CRAMP1: variants seen among roughly 807,000 people sequenced by gnomAD.
The protein encoded by CRAMP1 is protein cramped-like.
Under a neutral mutation model 115.4 loss-of-function variants are expected in CRAMP1, and 50 were observed. That is an observed-to-expected ratio of 0.43 (90% CI 0.35 to 0.55). The LOEUF is 0.55. Ranked by LOEUF, CRAMP1 falls within the 20% of genes least tolerant of loss-of-function variation. The probability of loss-of-function intolerance (pLI) is 0.01; values close to 1 mark genes in which losing one functional copy is unlikely to be tolerated. For synonymous variants in CRAMP1, 866 were observed against 745.4 expected (o/e 1.16, Z -2.64); for missense variants, 1,679 against 1,721.7 (o/e 0.98, Z 0.44).
chr16:1,665,215 G>A, intron 14 of CRAMP1, 77 bp downstream of exon 14: 1 of 892,908 alleles, frequency 1.1e-6, no homozygotes, highest in Non-Finnish European at 1.9e-6. Flanking sequence ...GACAATGGGT[G>A]CTTATTTCCA....
At chr16:1,615,729 C>T (rs139213707) in intron 2 of CRAMP1, among the ~76,000 whole-genome samples, 2 of 152,322 alleles carry the variant, frequency 1.3e-5, no homozygotes, top group Non-Finnish European at 2.9e-5. Flanking sequence ...TTGTTGTCTG[C>T]TCTTATTTCT....
rs1317824028 is a variant in CRAMP1 at position 1,614,301 on chromosome 16, T to TCCCATAGACCCCGGGGCC, written c.-1-337_-1-320dup. On this transcript the variant is annotated intron_variant, in intron 1 of 20. Coordinates refer to ENST00000397412, the MANE Select transcript of CRAMP1 (RefSeq NM_020825.4). This position sits in a 1 kb window ranked among gnomAD's most constrained non-coding sequence, Gnocchi z 4.4. ...CCCAGACCCGCGCCCGCGCCGGGGCTCCCATAGACCCCGGGGCCGGGGCCG... is the reference window on the plus strand; with the variant it reads ...CCCAGACCCGCGCCCGCGCCGGGGCTCCCATAGACCCCGGGGCCCCCATAGACCCCGGGGCCGGGGCCG... Among the ~76,000 whole-genome samples the TCCCATAGACCCCGGGGCC allele has an allele frequency of 9.0e-5, 12 of 133,270 alleles. No homozygotes were observed. Among genetic ancestry groups the TCCCATAGACCCCGGGGCC allele is most frequent in the African/African-American group, 3.3e-4 (12 of 36,034 alleles). 87.4% of individuals were successfully genotyped at this position (133,270 alleles called of 152,430 possible).
chr16:1,649,858 A>C (rs1042746017), intron 6 of CRAMP1, among the ~76,000 whole-genome samples: 2 of 143,166 alleles, frequency 1.4e-5, no homozygotes, highest in Non-Finnish European at 3.0e-5. Context: ...CAGTGGCGCA[A>C]TCTCAGCTCA....
At position 1,672,219 on chromosome 16, in the gene CRAMP1, C is replaced by T. The variant is rs1200284359; in HGVS notation, c.3645+1410C>T. ...TTTGCACCTTTAATAAAATCCTGGG[C>T]AACAGATGGCACTTGGGAGTGAGTA... On this transcript the variant is annotated intron_variant, in intron 20 of 20. Coordinates refer to ENST00000397412, the MANE Select transcript of CRAMP1 (RefSeq NM_020825.4). The surrounding 1 kb of genome is among the most constrained non-coding windows in gnomAD (Gnocchi z 4.9). 6.6e-6 allele frequency among the ~76,000 whole-genome samples: 1 copy of T among 152,186 alleles called. No individual in the cohort carries two copies. The highest frequency in any genetic ancestry group is 2.4e-5 in the African/African-American group (1 of 41,424).
chr16:1,647,018 G>A lies in CRAMP1; in HGVS notation c.828-5478G>A, dbSNP rs533600536. The A allele has an allele frequency of 3.1e-4, 221 of 702,850 alleles. No homozygotes were observed. The African/African-American group carries it at 3.4e-3, about 11-fold the overall frequency. 43.5% of individuals were successfully genotyped at this position (702,850 alleles called of 1,614,324 possible). ...TTTTGTGACCGTTCTTTGACCAGCA[G>A]ACATTCGTATTTACAAACAAACAGG... On this transcript the variant is annotated intron_variant, in intron 6 of 20. Coordinates refer to ENST00000397412, the MANE Select transcript of CRAMP1 (RefSeq NM_020825.4).
At position 1,666,749 on chromosome 16, in the gene CRAMP1, G is replaced by A; in HGVS notation, c.3036+149G>A. The A allele has an allele frequency of 1.4e-6, 1 of 726,750 alleles. No homozygotes were observed. The highest frequency in any genetic ancestry group is 2.3e-6 in the Non-Finnish European group (1 of 441,156). 45.0% of individuals were successfully genotyped at this position (726,750 alleles called of 1,614,324 possible). A position where few individuals can be genotyped will look rare whatever the true frequency, so the allele number is the denominator to read the frequency against. Reference sequence around the variant, plus strand: ...GTGCCATGGCATAAGCAAACTCTGTGTAGTACAGAGCAGGAGAGGCCTCCG... The same window carrying A: ...GTGCCATGGCATAAGCAAACTCTGTATAGTACAGAGCAGGAGAGGCCTCCG... On this transcript the variant is annotated intron_variant, in intron 16 of 20. Transcript: ENST00000397412. This position sits in a 1 kb window ranked among gnomAD's most constrained non-coding sequence, Gnocchi z 5.0.
intron 10 of CRAMP1, among the ~76,000 whole-genome samples, chr16:1,659,463 C>T (rs1391739571): frequency 6.6e-6 from 1 of 151,836 alleles, no homozygotes; most frequent in Non-Finnish European, 1.5e-5. Flanking sequence ...CGATCTCGGC[C>T]CACTGCAAGC....
intron 8 of CRAMP1, among the ~76,000 whole-genome samples, chr16:1,654,957 C>T (rs760973904): frequency 5.9e-5 from 9 of 152,260 alleles, no homozygotes; most frequent in Non-Finnish European, 1.3e-4. Flanking sequence ...CACGCCCTGG[C>T]GGAGACCTTT....
intron 11 of CRAMP1, 103 bp downstream of exon 11, chr16:1,660,166 G>A (rs2036816419): frequency 4.1e-6 from 4 of 982,476 alleles, no homozygotes; most frequent in South Asian, 1.8e-5. Flanking sequence ...GCCTGAGGCC[G>A]GACCCCACTG....
chr16:1,673,486 C>T (rs2036939722), intron 20 of CRAMP1, among the ~76,000 whole-genome samples: 1 of 152,194 alleles, frequency 6.6e-6, no homozygotes, highest in Non-Finnish European at 1.5e-5. Context: ...CCTTGGAGCA[C>T]CCTCTCTGGC....
chr16:1,647,041 A>C (rs1219283777), intron 6 of CRAMP1: 2 of 702,960 alleles, frequency 2.8e-6, no homozygotes, highest in African/African-American at 3.5e-5. Context: ...ACAAACAAAC[A>C]GGAAACCTGT....
chr16:1,639,579 A>G (rs917263701), intron 5 of CRAMP1, among the ~76,000 whole-genome samples: 4 of 152,156 alleles, frequency 2.6e-5, no homozygotes, highest in Non-Finnish European at 1.5e-5. Flanking sequence ...TTCTTTGCAA[A>G]GGAAGACTTG....
intron 3 of CRAMP1, among the ~76,000 whole-genome samples, chr16:1,629,724 C>T (rs2036534088): frequency 6.6e-6 from 1 of 152,198 alleles, no homozygotes; most frequent in African/African-American, 2.4e-5. Context: ...CTGGACCTTG[C>T]AGGAAGGCCT....
At chr16:1,659,165 G>GC (rs967363698) in intron 10 of CRAMP1, among the ~76,000 whole-genome samples, 14 of 152,288 alleles carry the variant, frequency 9.2e-5, no homozygotes, top group African/African-American at 2.9e-4. Flanking sequence ...TGACTCACAA[G>GC]CAGAGAGGCT....
intron 4 of CRAMP1, among the ~76,000 whole-genome samples, chr16:1,633,442 C>T (rs1845862416): frequency 6.6e-6 from 1 of 152,266 alleles, no homozygotes; most frequent in Non-Finnish European, 1.5e-5. Flanking sequence ...AGGGGTACCC[C>T]TTGATTCGGG....
intron 3 of CRAMP1, among the ~76,000 whole-genome samples, chr16:1,630,628 T>C (rs531951248): frequency 6.6e-6 from 1 of 152,312 alleles, no homozygotes; most frequent in Admixed American, 6.5e-5. Context: ...AGGGTCCCAC[T>C]CAGGTCCATC....
intron 2 of CRAMP1, 43 bp from the exon 3 acceptor site, chr16:1,625,930 C>A: frequency 6.5e-7 from 1 of 1,546,180 alleles, no homozygotes; most frequent in Non-Finnish European, 8.7e-7. Context: ...CCCAGCCCGC[C>A]AGCTTTCTGG....
chr16:1,624,053 C>G (rs894697935), intron 2 of CRAMP1, among the ~76,000 whole-genome samples: 1 of 151,900 alleles, frequency 6.6e-6, no homozygotes, highest in Non-Finnish European at 1.5e-5. Context: ...GGTGCAGCAC[C>G]GTCTGGTAGC....
At chr16:1,635,430 T>C (rs1357143488) in intron 4 of CRAMP1, among the ~76,000 whole-genome samples, 2 of 152,222 alleles carry the variant, frequency 1.3e-5, no homozygotes, top group African/African-American at 4.8e-5. Context: ...CTTCACGAAC[T>C]CAAAGTTGGA....
Sources: allele counts gnomAD v4.1 joint callset (sites outside exome capture counted in the v4.1 genomes callset), GRCh38; gene constraint gnomAD v4.1.1; non-coding constraint Gnocchi (gnomAD v3.1); transcripts MANE v1.5; gene names NCBI Gene and HGNC (gene_info 2026-07-23, HGNC 2026-07-21).